The following TRIM33 variants were observed in gnomAD, a reference collection of about 807,000 sequenced individuals.
TRIM33 encodes the protein tripartite motif containing 33.
A neutral mutation model predicts 125.4 loss-of-function variants in TRIM33; 20 were observed. The observed-to-expected ratio is 0.16, with a 90% confidence interval of 0.11 to 0.23. The LOEUF (loss-of-function observed/expected upper bound fraction) is 0.23. Among genes scored for constraint, TRIM33 ranks in the 10% least tolerant of loss-of-function variants. The probability of loss-of-function intolerance (pLI) is 1.00; values close to 1 mark genes in which losing one functional copy is unlikely to be tolerated. For synonymous variants in TRIM33, 564 were observed against 513.9 expected (o/e 1.10, Z -1.32); for missense variants, 920 against 1,411.4 (o/e 0.65, Z 5.58).
intron 11 of TRIM33, among the ~76,000 whole-genome samples, chr1:114,412,094 T>G (rs73005355): frequency 0.063 from 9,606 of 152,200 alleles, 320 homozygotes; most frequent in African/African-American, 0.086. Flanking sequence ...AAGTTAACAA[T>G]AATGTCATTT....
intron 10 of TRIM33, among the ~76,000 whole-genome samples, chr1:114,423,605 GC>G (rs1647344274): frequency 6.7e-6 from 1 of 149,566 alleles, no homozygotes; most frequent in South Asian, 2.1e-4. Context: ...TTGCTATGTT[GC>G]CCAGGCTGGT....
At chr1:114,492,658 A>C (rs1199796855) in intron 1 of TRIM33, among the ~76,000 whole-genome samples, 1 of 152,162 alleles carries the variant, frequency 6.6e-6, no homozygotes, top group African/African-American at 2.4e-5. Flanking sequence ...TGGACATTTC[A>C]TGTAAGTATA....
chr1:114,450,681 C>A (rs901528172), intron 4 of TRIM33, among the ~76,000 whole-genome samples: 11 of 152,166 alleles, frequency 7.2e-5, no homozygotes, highest in Admixed American at 2.6e-4. Context: ...GTATGAGCCA[C>A]CATGTCTGGC....
intron 1 of TRIM33, among the ~76,000 whole-genome samples, chr1:114,496,023 A>G (rs1652348635): frequency 6.6e-6 from 1 of 152,244 alleles, no homozygotes; most frequent in South Asian, 2.1e-4. Context: ...GTAATGTTCA[A>G]CACAAAGCAG....
intron 4 of TRIM33, among the ~76,000 whole-genome samples, chr1:114,444,539 AT>A (rs1213439814): frequency 2.6e-5 from 4 of 152,194 alleles, no homozygotes; most frequent in Non-Finnish European, 5.9e-5. Flanking sequence ...CAAAACCTAA[AT>A]AAAACCAAGC....
At chr1:114,400,023 T>C (rs1651774423) in intron 17 of TRIM33, among the ~76,000 whole-genome samples, 1 of 152,054 alleles carries the variant, frequency 6.6e-6, no homozygotes, top group Admixed American at 6.6e-5. Context: ...ACAGGGAATA[T>C]CATTTACATC....
rs151077387 is a variant in TRIM33 at position 114,483,766 on chromosome 1, C to A, written c.527-19378G>T. 6.8e-3 allele frequency among the ~76,000 whole-genome samples: 1,034 copies of A among 152,118 alleles called. 7 individuals are homozygous for A. Among genetic ancestry groups the A allele is most frequent in the African/African-American group, 0.015 (635 of 41,516 alleles). ...AGGAAGAAATAATACAAACCTCAAA[C>A]AAACTCTTTAGAAAATAGAGAAGAA... On this transcript the variant is annotated intron_variant, in intron 1 of 19. Transcript: ENST00000358465.
intron 2 of TRIM33, 105 bp downstream of exon 2, chr1:114,464,165 C>T: frequency 3.6e-6 from 2 of 554,896 alleles, no homozygotes; most frequent in South Asian, 5.5e-5. Context: ...AAACAGGAAT[C>T]CATAGCAGAA....
intron 1 of TRIM33, among the ~76,000 whole-genome samples, chr1:114,477,519 C>T (rs1435041757): frequency 1.3e-5 from 2 of 152,160 alleles, no homozygotes; most frequent in South Asian, 4.1e-4. Context: ...GTCTTAGTTT[C>T]CCCTTTGCAA....
intron 15 of TRIM33, among the ~76,000 whole-genome samples, chr1:114,403,986 C>T (rs1422920098): frequency 6.6e-6 from 1 of 151,946 alleles, no homozygotes; most frequent in African/African-American, 2.4e-5. Context: ...TTAACCCTGC[C>T]AAGTATATAC....
At chr1:114,470,051 G>T (rs1223177906) in intron 1 of TRIM33, among the ~76,000 whole-genome samples, 3 of 152,166 alleles carry the variant, frequency 2.0e-5, no homozygotes, top group African/African-American at 7.2e-5. Context: ...GGCCACATAT[G>T]TGCACATACA....
At chr1:114,464,137 T>A in intron 2 of TRIM33, 133 bp downstream of exon 2, 1 of 519,806 alleles carries the variant, frequency 1.9e-6, no homozygotes, top group East Asian at 3.4e-5. Flanking sequence ...AAGAAAGCTA[T>A]CTTTAACTTT....
intron 18 of TRIM33, among the ~76,000 whole-genome samples, chr1:114,398,905 A>AC (rs1477974521): frequency 2.0e-5 from 3 of 147,778 alleles, no homozygotes; most frequent in East Asian, 3.9e-4. Flanking sequence ...CCTCAAAAAA[A>AC]AAAAAAAAAA....
At chr1:114,483,065 G>A (rs1230674031) in intron 1 of TRIM33, among the ~76,000 whole-genome samples, 3 of 152,166 alleles carry the variant, frequency 2.0e-5, no homozygotes, top group Non-Finnish European at 2.9e-5. Context: ...AGCACTTTGG[G>A]AGGCTGAGAT....
At chr1:114,429,242 C>A (rs937968734) in intron 6 of TRIM33, among the ~76,000 whole-genome samples, 1 of 151,018 alleles carries the variant, frequency 6.6e-6, no homozygotes, top group Non-Finnish European at 1.5e-5. Context: ...GGCTGGAGTG[C>A]GGAGGCGCAA....
intron 4 of TRIM33, among the ~76,000 whole-genome samples, chr1:114,458,095 T>C (rs968215299): frequency 3.3e-5 from 5 of 152,206 alleles, no homozygotes; most frequent in African/African-American, 1.2e-4. Flanking sequence ...TGGGAGGAAT[T>C]TATTTTATAG....
At chr1:114,507,693 T>C (rs1414833221) in intron 1 of TRIM33, among the ~76,000 whole-genome samples, 3 of 152,206 alleles carry the variant, frequency 2.0e-5, no homozygotes, top group Non-Finnish European at 2.9e-5. Context: ...GTAAAATAGC[T>C]AAAGAGCTGA....
At chr1:114,502,586 A>G (rs1002205883) in intron 1 of TRIM33, among the ~76,000 whole-genome samples, 4 of 152,184 alleles carry the variant, frequency 2.6e-5, no homozygotes, top group African/African-American at 9.6e-5. Flanking sequence ...AGTTCACTGT[A>G]GCCTCAACCT....
chr1:114,414,692 AAATGTCTG>A (rs1652817354), intron 11 of TRIM33, among the ~76,000 whole-genome samples: 1 of 152,170 alleles, frequency 6.6e-6, no homozygotes, highest in African/African-American at 2.4e-5. Context: ...AAAAATCTAT[AAATGTCTG>A]CATTCTCCTG....
Sources: gnomAD v4.1 joint callset for allele counts (sites outside exome capture counted in the v4.1 genomes callset) on GRCh38, gnomAD v4.1.1 for gene constraint, MANE v1.5 for transcripts, NCBI Gene and HGNC (gene_info 2026-07-23, HGNC 2026-07-21) for gene names.